The following COL26A1 variants were observed in gnomAD, a reference collection of about 807,000 sequenced individuals.
COL26A1 encodes collagen type XXVI alpha 1 chain, also known as collagen alpha-1(XXVI) chain.
Under a neutral mutation model 59.3 loss-of-function variants are expected in COL26A1, and 41 were observed. The ratio of observed to expected loss-of-function variants is 0.69; its 90% CI spans 0.54 to 0.90. The LOEUF is 0.90. Among genes scored for constraint, COL26A1 ranks in the 40% least tolerant of loss-of-function variants. COL26A1 has a pLI of 0.00. For missense variants in COL26A1, 612 were observed against 602.3 expected (o/e 1.02, Z -0.17); for synonymous variants, 266 against 256.0 (o/e 1.04, Z -0.37).
intron 3 of COL26A1, among the ~76,000 whole-genome samples, chr7:101,454,263 T>C (rs963183651): frequency 7.7e-6 from 1 of 129,226 alleles, no homozygotes; most frequent in Non-Finnish European, 1.7e-5. Flanking sequence ...CCTTTTCTTT[T>C]CTTTCTTTTT....
At chr7:101,445,406 T>C (rs1416697961) in intron 2 of COL26A1, among the ~76,000 whole-genome samples, 2 of 151,928 alleles carry the variant, frequency 1.3e-5, no homozygotes, top group Non-Finnish European at 2.9e-5. Flanking sequence ...CTCTGGAAAC[T>C]TTCATTCACG....
At chr7:101,496,031 T>C (rs885502) in intron 3 of COL26A1, among the ~76,000 whole-genome samples, 14,210 of 151,762 alleles carry the variant, frequency 0.094, 1,347 homozygotes, top group African/African-American at 0.25. Flanking sequence ...CAGTGAACCA[T>C]GATTACAACA....
chr7:101,546,222 C>T (rs1297868248), intron 7 of COL26A1, among the ~76,000 whole-genome samples: 1 of 152,014 alleles, frequency 6.6e-6, no homozygotes, highest in Non-Finnish European at 1.5e-5. Context: ...GTTAAGTGTC[C>T]CGGCAACTGG....
At chr7:101,532,392 G>T (rs1477767271) in intron 3 of COL26A1, among the ~76,000 whole-genome samples, 1 of 152,116 alleles carries the variant, frequency 6.6e-6, no homozygotes, top group Non-Finnish European at 1.5e-5. Flanking sequence ...AGAGATCCTT[G>T]ACCTTTCCAG....
At chr7:101,538,256 T>C (rs943450660) in intron 4 of COL26A1, among the ~76,000 whole-genome samples, 1 of 152,144 alleles carries the variant, frequency 6.6e-6, no homozygotes, top group East Asian at 1.9e-4. Flanking sequence ...CCTTCTCTCC[T>C]CCTGGAGATT....
chr7:101,365,786 A>T (rs570654048), intron 1 of COL26A1, among the ~76,000 whole-genome samples: 2 of 149,896 alleles, frequency 1.3e-5, no homozygotes, highest in East Asian at 3.9e-4. Flanking sequence ...GCGTATATTC[A>T]TGTAATACTT....
At chr7:101,519,775 A>G (rs1419021027) in intron 3 of COL26A1, among the ~76,000 whole-genome samples, 1 of 152,174 alleles carries the variant, frequency 6.6e-6, no homozygotes, top group African/African-American at 2.4e-5. Flanking sequence ...ACGGAGCTAG[A>G]AGTCACGTCA....
chr7:101,530,352 T>A (rs1795338417), intron 3 of COL26A1, among the ~76,000 whole-genome samples: 1 of 151,716 alleles, frequency 6.6e-6, no homozygotes, highest in Non-Finnish European at 1.5e-5. Context: ...GCGGATCCCT[T>A]GAGGTCAGAA....
chr7:101,546,390 A>G (rs1584504368), intron 7 of COL26A1, among the ~76,000 whole-genome samples: 1 of 146,252 alleles, frequency 6.8e-6, no homozygotes, highest in East Asian at 1.9e-4. Flanking sequence ...ATGTATCGCC[A>G]CATCTAACTA....
chr7:101,547,596 G>A lies in COL26A1; in HGVS notation c.940+357G>A, dbSNP rs559343948. ...GGCAGAAACCAAGGGGTTCAAAGGG[G>A]CTGGGACCTGGCTGTCAGTCCTGGC... On this transcript the variant is annotated intron_variant, in intron 8 of 12. Transcript: ENST00000313669. Among the ~76,000 whole-genome samples the A allele has an allele frequency of 2.6e-5, 4 of 152,350 alleles. No homozygotes were observed. In the East Asian group the frequency reaches 7.7e-4, roughly 29 times the overall value.
chr7:101,535,001 A>G (rs530767499), intron 4 of COL26A1, among the ~76,000 whole-genome samples: 1 of 152,348 alleles, frequency 6.6e-6, no homozygotes, highest in East Asian at 1.9e-4. Context: ...CCTTACAGAT[A>G]TGAACACAGG....
At chr7:101,497,250 A>G (rs530936183) in intron 3 of COL26A1, among the ~76,000 whole-genome samples, 4 of 152,258 alleles carry the variant, frequency 2.6e-5, no homozygotes, top group African/African-American at 9.6e-5. Context: ...AAAAACACAA[A>G]CAGAAATAGT....
At chr7:101,528,786 C>T (rs577967488) in intron 3 of COL26A1, among the ~76,000 whole-genome samples, 135 of 152,272 alleles carry the variant, frequency 8.9e-4, no homozygotes, top group African/African-American at 2.8e-3. Flanking sequence ...CGGGCTCAAG[C>T]GATCCACCCA....
At chr7:101,466,145 A>G (rs2130445180) in intron 3 of COL26A1, among the ~76,000 whole-genome samples, 1 of 152,206 alleles carries the variant, frequency 6.6e-6, no homozygotes, top group African/African-American at 2.4e-5. Flanking sequence ...CACAGGCGTC[A>G]ATAGCCTCAG....
At chr7:101,463,631 C>A (rs1252507152) in intron 3 of COL26A1, among the ~76,000 whole-genome samples, 2 of 45,588 alleles carry the variant, frequency 4.4e-5, no homozygotes, top group East Asian at 1.4e-3. Flanking sequence ...CCCCCTCTTC[C>A]TTCCTTCCTT....
rs905614620 is a variant in COL26A1, at chr7:101,427,822, C to T, written c.281+7723C>T. 1.6e-4 allele frequency among the ~76,000 whole-genome samples: 25 copies of T among 152,168 alleles called. No homozygotes were observed. The South Asian group carries it at 1.7e-3, about 10-fold the overall frequency. On this transcript the variant is annotated intron_variant, in intron 2 of 12. Transcript: ENST00000313669. The stretch of plus-strand genomic sequence containing the variant: ...TGGCTGTCTTCACCATTTTCAGGAG[C>T]TGTAGGGGACCCAATTCTGGTTCCC...
chr7:101,438,122 G>A (rs1792961128), intron 2 of COL26A1, among the ~76,000 whole-genome samples: 1 of 151,514 alleles, frequency 6.6e-6, no homozygotes, highest in Non-Finnish European at 1.5e-5. Context: ...AACAGTCTGG[G>A]AAGCCGAGGC....
At chr7:101,519,701 G>C (rs79239955) in intron 3 of COL26A1, among the ~76,000 whole-genome samples, 10,276 of 152,174 alleles carry the variant, frequency 0.068, 462 homozygotes, top group Non-Finnish European at 0.096. Flanking sequence ...ATAGATCAGA[G>C]GCAGGGACCA....
chr7:101,390,969 T>A (rs982999133), intron 1 of COL26A1, among the ~76,000 whole-genome samples: 13 of 152,288 alleles, frequency 8.5e-5, no homozygotes, highest in African/African-American at 3.1e-4. Flanking sequence ...CCTTTCCCTC[T>A]CTAGGTCTAC....
Sources: allele counts gnomAD v4.1 joint callset (sites outside exome capture counted in the v4.1 genomes callset), GRCh38; gene constraint gnomAD v4.1.1; transcripts MANE v1.5; gene names NCBI Gene and HGNC (gene_info 2026-07-23, HGNC 2026-07-21).